The following COL19A1 variants were observed in gnomAD, a reference collection of about 807,000 sequenced individuals.
The protein encoded by COL19A1 is collagen alpha-1(XIX) chain.
A neutral mutation model predicts 190.2 loss-of-function variants in COL19A1; 159 were observed. That is an observed-to-expected ratio of 0.84 (90% CI 0.73 to 0.95). The LOEUF (loss-of-function observed/expected upper bound fraction) is 0.95, where lower values mean the gene tolerates loss of function less well. Ranked by LOEUF, COL19A1 falls within the 40% of genes least tolerant of loss-of-function variation. The pLI, the probability that COL19A1 is intolerant of heterozygous loss-of-function variation, is 0.00. For synonymous variants in COL19A1, 509 were observed against 458.9 expected, an observed-to-expected ratio of 1.11 and a Z score of -1.39; for missense variants, 1,418 against 1,431.9, an observed-to-expected ratio of 0.99 and a Z score of 0.16.
At chr6:69,906,718 G>T (rs1343853671) in intron 4 of COL19A1, among the ~76,000 whole-genome samples, 1 of 152,186 alleles carries the variant, frequency 6.6e-6, no homozygotes, top group Admixed American at 6.5e-5. Flanking sequence ...GTGAAAGGGA[G>T]TCTTCTTTAT....
chr6:70,158,718 C>A (rs1297567338), intron 34 of COL19A1, among the ~76,000 whole-genome samples: 1 of 151,940 alleles, frequency 6.6e-6, no homozygotes, highest in African/African-American at 2.4e-5. Context: ...GATATTATAG[C>A]AACAGAAAAT....
chr6:70,202,970 T>C (rs1273981989), intron 49 of COL19A1, among the ~76,000 whole-genome samples: 2 of 152,196 alleles, frequency 1.3e-5, no homozygotes, highest in East Asian at 3.9e-4. Context: ...TTGGTGTCCA[T>C]TCCCACCTGG....
intron 31 of COL19A1, 123 bp from the exon 32 acceptor site, chr6:70,156,004 C>T (rs1787406030): frequency 1.4e-6 from 1 of 697,238 alleles, no homozygotes; most frequent in Non-Finnish European, 2.3e-6. Flanking sequence ...TGTCTGAAAG[C>T]AGAATGACCT....
At chr6:70,000,717 T>C (rs1387754450) in intron 11 of COL19A1, among the ~76,000 whole-genome samples, 1 of 152,146 alleles carries the variant, frequency 6.6e-6, no homozygotes, top group Non-Finnish European at 1.5e-5. Context: ...ATGGGGTTGT[T>C]TGCTTTTTTT....
At chr6:69,942,775 A>C (rs933654594) in intron 9 of COL19A1, among the ~76,000 whole-genome samples, 1 of 112,816 alleles carries the variant, frequency 8.9e-6, no homozygotes, top group Non-Finnish European at 1.8e-5. Flanking sequence ...TGTGTGTATA[A>C]AACATTTTCT....
At chr6:70,136,774 T>C (rs1379605112) in intron 18 of COL19A1, among the ~76,000 whole-genome samples, 3 of 152,180 alleles carry the variant, frequency 2.0e-5, no homozygotes, top group Admixed American at 6.5e-5. Context: ...TTCTACTTTA[T>C]TATGTTTTCT....
At chr6:70,030,008 A>G (rs897130208) in intron 12 of COL19A1, among the ~76,000 whole-genome samples, 3 of 152,190 alleles carry the variant, frequency 2.0e-5, no homozygotes, top group Non-Finnish European at 4.4e-5. Context: ...CTTACCCATG[A>G]TTATACATAA....
chr6:70,063,261 C>T (rs1488958291), intron 14 of COL19A1, among the ~76,000 whole-genome samples: 19 of 152,088 alleles, frequency 1.2e-4, no homozygotes, highest in Non-Finnish European at 2.5e-4. Flanking sequence ...TGTAAAAGAA[C>T]AGAAATCACA....
intron 15 of COL19A1, among the ~76,000 whole-genome samples, chr6:70,099,796 C>A (rs1358738825): frequency 6.6e-6 from 1 of 152,144 alleles, no homozygotes; most frequent in Non-Finnish European, 1.5e-5. Flanking sequence ...TAGCAACCCC[C>A]AAAAATATTT....
rs117832466 is a variant in COL19A1, at chr6:70,139,329, C to T, written c.1446+1582C>T. The stretch of plus-strand genomic sequence containing the variant: ...CCTAGGAGTCATAGGCCTTTTCCTC[C>T]TGCAGGGATTTCCTCTGGCTTTCTT... On this transcript the variant is annotated intron_variant, in intron 19 of 50. Transcript: ENST00000620364. Among the ~76,000 whole-genome samples the T allele has an allele frequency of 9.3e-4, 142 of 152,076 alleles. 2 individuals are homozygous for T. In the East Asian group the frequency reaches 0.026, roughly 28 times the overall value.
intron 16 of COL19A1, among the ~76,000 whole-genome samples, chr6:70,111,348 G>C (rs1439998869): frequency 6.6e-6 from 1 of 152,206 alleles, no homozygotes; most frequent in Middle Eastern, 3.4e-3. Context: ...GCATTGTCTA[G>C]GGGACCTAAA....
chr6:69,998,524 T>C (rs1007116853), intron 11 of COL19A1, among the ~76,000 whole-genome samples: 4 of 151,336 alleles, frequency 2.6e-5, no homozygotes, highest in African/African-American at 9.7e-5. Flanking sequence ...TGCATACCTG[T>C]AATCCCAGCA....
chr6:70,202,219 GCT>G (rs533739788), intron 49 of COL19A1, among the ~76,000 whole-genome samples: 5 of 151,832 alleles, frequency 3.3e-5, no homozygotes, highest in Non-Finnish European at 7.4e-5. Flanking sequence ...TCTGATGGTG[GCT>G]CCTCTGAAAT....
intron 16 of COL19A1, among the ~76,000 whole-genome samples, chr6:70,115,874 C>A (rs1409692509): frequency 1.7e-5 from 2 of 118,292 alleles, no homozygotes; most frequent in Non-Finnish European, 1.6e-5. Flanking sequence ...TCCCTTTAGT[C>A]ACTAAAAATT....
chr6:70,156,227 G>A lies in COL19A1; in HGVS notation c.2180G>A (p.Arg727Gln), dbSNP rs188870676. The A allele has an allele frequency of 2.5e-5, 41 of 1,613,270 alleles. No individual in the cohort carries two copies. In the East Asian group the frequency reaches 5.4e-4, roughly 21 times the overall value. ...CCTGGAAAGTATGATTCCATGGCCC[G>A]GAAGGTGAGAAGCCTGGCTGAATGT... ...GEPGKYDSMARKGDIGPRGPP... is the reference protein window; with the variant it reads ...GEPGKYDSMAQKGDIGPRGPP... The change falls in exon 32 of 51, where the codon CGG (arginine) becomes CAG (glutamine). Residue 727 changes from arginine to glutamine, a missense_variant. Coordinates refer to ENST00000620364, the MANE Select transcript of COL19A1 (RefSeq NM_001858.6).
In COL19A1 at chr6:70,145,925, T is replaced by A. The variant is rs149731564; in HGVS notation, c.1771-734T>A. On this transcript the variant is annotated intron_variant, in intron 25 of 50. Transcript: ENST00000620364. ...TTGTATAGATGGGGTTTCACCATGT[T>A]GTCCATGCTGGTCTTGAACTCCTGA... 7.9e-3 allele frequency among the ~76,000 whole-genome samples: 1,207 copies of A among 152,190 alleles called. 21 individuals are homozygous for A. The highest frequency in any genetic ancestry group is 0.027 in the African/African-American group (1,139 of 41,542).
chr6:70,158,556 C>T (rs1186224354), intron 34 of COL19A1, among the ~76,000 whole-genome samples: 1 of 152,026 alleles, frequency 6.6e-6, no homozygotes, highest in African/African-American at 2.4e-5. Flanking sequence ...TTTTCACAGA[C>T]GTTGTTGCAC....
At chr6:70,081,950 G>A (rs1047676384) in intron 15 of COL19A1, among the ~76,000 whole-genome samples, 3 of 152,072 alleles carry the variant, frequency 2.0e-5, no homozygotes, top group African/African-American at 4.8e-5. Flanking sequence ...AAAAATAAAA[G>A]AGTGAACACT....
chr6:69,966,144 G>T (rs1470343270), intron 11 of COL19A1, among the ~76,000 whole-genome samples: 1 of 152,118 alleles, frequency 6.6e-6, no homozygotes, highest in Non-Finnish European at 1.5e-5. Flanking sequence ...GAAGCCGTCC[G>T]GGAGGTGGGG....
Sources: gnomAD v4.1 joint callset for allele counts (sites outside exome capture counted in the v4.1 genomes callset) on GRCh38, gnomAD v4.1.1 for gene constraint, MANE v1.5 for transcripts, NCBI Gene and HGNC (gene_info 2026-07-23, HGNC 2026-07-21) for gene names.